Variants in RABL2B observed in about 807,000 individuals in gnomAD.
RABL2B encodes rab-like protein 2B.
Under a neutral mutation model 26.7 loss-of-function variants are expected in RABL2B, and 17 were observed. That is an observed-to-expected ratio of 0.64 (90% CI 0.44 to 0.95). RABL2B has a LOEUF of 0.95. Ranked by LOEUF, RABL2B falls within the 40% of genes least tolerant of loss-of-function variation. RABL2B has a pLI of 0.00. For synonymous variants in RABL2B, 70 were observed against 103.9 expected, an observed-to-expected ratio of 0.67 and a Z score of 1.99; for missense variants, 170 against 277.2, an observed-to-expected ratio of 0.61 and a Z score of 2.75.
chr22:50,781,393 G>T (rs1555928975), intron 2 of RABL2B, among the ~76,000 whole-genome samples: 1 of 114,678 alleles, frequency 8.7e-6, no homozygotes, highest in African/African-American at 3.1e-5. Context: ...GTGATTGTGT[G>T]GTGGGGAAGA....
chr22:50,775,428 C>T (rs1426823740), intron 5 of RABL2B, among the ~76,000 whole-genome samples: 1 of 152,166 alleles, frequency 6.6e-6, no homozygotes, highest in East Asian at 1.9e-4. Flanking sequence ...CAGCAGGCAA[C>T]AGTGGAGGGA....
chr22:50,769,586 T>C (rs782786525), intron 6 of RABL2B, 34 bp from the exon 7 acceptor site: 1 of 1,613,592 alleles, frequency 6.2e-7, no homozygotes, highest in South Asian at 1.1e-5. Context: ...GGTCTGTCTG[T>C]CAAGGGAAGG....
At chr22:50,774,551 C>A (rs1368273873) in intron 5 of RABL2B, among the ~76,000 whole-genome samples, 2 of 148,758 alleles carry the variant, frequency 1.3e-5, no homozygotes, top group African/African-American at 5.1e-5. Flanking sequence ...AGCCTGGAAC[C>A]CAGCCTTGGA....
chr22:50,782,517 G>C (rs2086056979), intron 1 of RABL2B, among the ~76,000 whole-genome samples, 170 bp from the exon 2 acceptor site: 1 of 152,226 alleles, frequency 6.6e-6, no homozygotes. Context: ...TCAATAATAT[G>C]TTATACACAA....
intron 5 of RABL2B, chr22:50,773,067 T>G: frequency 1.6e-6 from 2 of 1,259,046 alleles, no homozygotes; most frequent in Non-Finnish European, 2.1e-6. Flanking sequence ...GAAGAGGGTC[T>G]GAGGGGAGCC....
chr22:50,770,807 TG>T (rs1555917762), intron 5 of RABL2B, among the ~76,000 whole-genome samples: 1 of 151,818 alleles, frequency 6.6e-6, no homozygotes, highest in Non-Finnish European at 1.5e-5. Flanking sequence ...TAGAATGCAG[TG>T]GCTCAATCAC....
rs560438515 is a variant in RABL2B at position 50,779,315 on chromosome 22, C to T, written c.108-1334G>A. The stretch of plus-strand genomic sequence containing the variant: ...CTCAAAAACAGAGCAGGCCTACCTC[C>T]GGAGGCTCTAGGAAGCTGCCTCTGT... On this transcript the variant is annotated intron_variant, in intron 2 of 8. Transcript: ENST00000691320. Among the ~76,000 whole-genome samples, 116 of 150,440 alleles carry T rather than the reference C, an allele frequency of 7.7e-4. 1 individual carries two copies. The South Asian group carries it at 0.023, about 30-fold the overall frequency.
intron 2 of RABL2B, among the ~76,000 whole-genome samples, chr22:50,778,746 G>C (rs1603450986): frequency 7.0e-6 from 1 of 142,534 alleles, no homozygotes; most frequent in East Asian, 2.1e-4. Flanking sequence ...TCAAGTCTTT[G>C]ACCCAATGTT....
At position 50,768,893 on chromosome 22, in the gene RABL2B, G is replaced by A; in HGVS notation, c.592-19C>T. On this transcript the variant is annotated intron_variant, in intron 8 of 8. Transcript: ENST00000691320. ...TGAAGTTCTGTGAACAAGGTCGCAG[G>A]TGAGGCCTGGCCCTGCATTTGCTCA... 1 of 1,608,578 alleles carries A rather than the reference G, an allele frequency of 6.2e-7. No homozygotes were observed. Among genetic ancestry groups the A allele is most frequent in the East Asian group, 2.2e-5 (1 of 44,732 alleles).
intron 5 of RABL2B, chr22:50,772,932 T>C (rs1555920009): frequency 2.5e-6 from 3 of 1,218,660 alleles, no homozygotes; most frequent in Non-Finnish European, 3.2e-6. Context: ...TCTCTGACCC[T>C]CAGCTCCCCG....
intron 5 of RABL2B, chr22:50,772,920 C>T (rs1209189116): frequency 1.2e-5 from 14 of 1,205,802 alleles, no homozygotes; most frequent in South Asian, 1.5e-5. Flanking sequence ...GCCCTGGTTC[C>T]GTCTCTGACC....
At chr22:50,769,695 A>G (rs2083854479) in intron 6 of RABL2B, 143 bp from the exon 7 acceptor site, 1 of 1,401,652 alleles carries the variant, frequency 7.1e-7, no homozygotes, top group East Asian at 2.3e-5. Flanking sequence ...AGCTCAGTTA[A>G]TAGGGATCTG....
chr22:50,781,699 T>G (rs1352299519), intron 2 of RABL2B, among the ~76,000 whole-genome samples: 1 of 152,128 alleles, frequency 6.6e-6, no homozygotes, highest in African/African-American at 2.4e-5. Flanking sequence ...AGAGCCTCCC[T>G]TCACCTCTCC....
intron 2 of RABL2B, among the ~76,000 whole-genome samples, chr22:50,781,400 A>G (rs1439023560): frequency 7.1e-6 from 1 of 141,738 alleles, no homozygotes; most frequent in Non-Finnish European, 1.5e-5. Flanking sequence ...TGTGGTGGGG[A>G]AGAGAGAGAG....
chr22:50,779,540 G>A (rs1220189949), intron 2 of RABL2B, among the ~76,000 whole-genome samples: 3 of 151,868 alleles, frequency 2.0e-5, no homozygotes, highest in Non-Finnish European at 4.4e-5. Flanking sequence ...TTAGTTTTGG[G>A]TGGGGGGGGT....
At chr22:50,775,667 C>A (rs1326580473) in intron 5 of RABL2B, 105 bp downstream of exon 5, 1 of 1,241,478 alleles carries the variant, frequency 8.1e-7, no homozygotes, top group Non-Finnish European at 1.2e-6. Context: ...AAGCCCCCCT[C>A]CCACAACACC....
intron 2 of RABL2B, among the ~76,000 whole-genome samples, chr22:50,781,703 C>T (rs527578242): frequency 2.8e-4 from 42 of 152,154 alleles, no homozygotes; most frequent in Non-Finnish European, 5.9e-4. Flanking sequence ...CCTCCCTTCA[C>T]CTCTCCGGGT....
chr22:50,776,877 T>C (rs2085072183), intron 3 of RABL2B, 128 bp from the exon 4 acceptor site: 4 of 1,461,784 alleles, frequency 2.7e-6, no homozygotes, highest in Non-Finnish European at 3.7e-6. Context: ...AGATTTTAAA[T>C]CAAATGAATG....
At chr22:50,777,154 C>T (rs2147228167) in intron 3 of RABL2B, among the ~76,000 whole-genome samples, 1 of 152,306 alleles carries the variant, frequency 6.6e-6, no homozygotes, top group Non-Finnish European at 1.5e-5. Flanking sequence ...ACAAAAGCTC[C>T]CACAAGCCAT....
Sources: gnomAD v4.1 joint callset for allele counts (sites outside exome capture counted in the v4.1 genomes callset) on GRCh38, gnomAD v4.1.1 for gene constraint, MANE v1.5 for transcripts, NCBI Gene and HGNC (gene_info 2026-07-23, HGNC 2026-07-21) for gene names.